The following ABHD18 variants were observed in gnomAD, a reference collection of about 807,000 sequenced individuals.
The protein encoded by ABHD18 is abhydrolase domain containing 18.
A neutral mutation model predicts 65.9 loss-of-function variants in ABHD18; 55 were observed. The observed-to-expected ratio is 0.84, with a 90% CI of 0.67 to 1.05. The LOEUF (loss-of-function observed/expected upper bound fraction) is 1.05. ABHD18 is among the 50% of genes least tolerant of loss of function. The pLI is 0.00. For missense variants in ABHD18, 533 were observed against 558.5 expected, an observed-to-expected ratio of 0.95 and a Z score of 0.46; for synonymous variants, 181 against 180.2, an observed-to-expected ratio of 1.00 and a Z score of -0.04.
intron 3 of ABHD18, among the ~76,000 whole-genome samples, chr4:127,986,339 T>A (rs751191838): frequency 7.9e-5 from 12 of 152,246 alleles, no homozygotes; most frequent in Non-Finnish European, 7.3e-5. Context: ...TGTTGTAGCA[T>A]GTGTCAGTAC....
Position 128,038,436 on chromosome 4 carries a change from C to T in ABHD18, c.*2623C>T, listed in dbSNP as rs1423575603. 2 of 152,170 alleles carry T rather than the reference C, an allele frequency of 1.3e-5. No homozygotes were observed. Among genetic ancestry groups the T allele is most frequent in the African/African-American group, 4.8e-5 (2 of 41,440 alleles). The allele number at this position is 152,170 out of a possible 1,614,324, so 9.4% of individuals were successfully genotyped here. On this transcript the variant is annotated 3_prime_UTR_variant, in exon 13 of 13. Transcript: ENST00000645843. ...AATACTTTATTATTGTTCACATAAA[C>T]ATTTCTTACTAAGCAATAATGTACT...
At chr4:127,991,611 T>C (rs1384647273) in intron 4 of ABHD18, among the ~76,000 whole-genome samples, 1 of 152,190 alleles carries the variant, frequency 6.6e-6, no homozygotes, top group Admixed American at 6.6e-5. Context: ...TTTTAGCTAA[T>C]TTTATTTAAA....
intron 12 of ABHD18, among the ~76,000 whole-genome samples, chr4:128,032,279 A>G (rs187730860): frequency 3.9e-5 from 6 of 152,330 alleles, no homozygotes; most frequent in Non-Finnish European, 5.9e-5. Context: ...GTCACTACTA[A>G]GCTATTTGAC....
Position 127,989,799 on chromosome 4 carries a change from C to A in ABHD18, c.256C>A (p.Pro86Thr), listed in dbSNP as rs186826737. ...PMAHYVPDIM[P>T]IESVIARFQF... ...GGCTCACTATGTGCCTGATATCATG[C>A]CAATTGAATCTGTTATTGCAAGGTA... Residue 86 changes from proline (P) to threonine (T), a missense_variant, in exon 4 of 13, where the codon CCA becomes ACA. Physicochemically the swap from Pro to Thr is conservative, Grantham distance 38. Coordinates refer to ENST00000645843, the MANE Select transcript of ABHD18 (RefSeq NM_001358451.3). The A allele has an allele frequency of 6.3e-7, 1 of 1,588,092 alleles. No homozygotes were observed. Among genetic ancestry groups the A allele is most frequent in the South Asian group, 1.2e-5 (1 of 85,994 alleles).
chr4:127,981,749 A>T (rs979572089), intron 1 of ABHD18, among the ~76,000 whole-genome samples: 1 of 152,162 alleles, frequency 6.6e-6, no homozygotes, highest in Non-Finnish European at 1.5e-5. Context: ...TTTGAACATT[A>T]TTGTGTCAAA....
At chr4:128,028,278 G>T (rs1757666394) in intron 10 of ABHD18, among the ~76,000 whole-genome samples, 197 bp from the exon 11 acceptor site, 2 of 150,762 alleles carry the variant, frequency 1.3e-5, no homozygotes, top group Non-Finnish European at 2.9e-5. Flanking sequence ...AATGTCTTCA[G>T]TGTTCATCCA....
intron 4 of ABHD18, 84 bp from the exon 5 acceptor site, chr4:128,008,836 A>G (rs1387110582): frequency 1.1e-6 from 1 of 873,066 alleles, no homozygotes; most frequent in Non-Finnish European, 1.7e-6. Context: ...GATAATTTAA[A>G]TGTAAAAGTT....
chr4:127,971,111 G>A (rs2149037643), intron 1 of ABHD18, among the ~76,000 whole-genome samples: 1 of 151,508 alleles, frequency 6.6e-6, no homozygotes, highest in East Asian at 1.9e-4. Context: ...AGCCGGGCAA[G>A]GAAGGTGGCC....
chr4:127,979,292 A>C (rs1748539586), intron 1 of ABHD18, among the ~76,000 whole-genome samples: 1 of 152,248 alleles, frequency 6.6e-6, no homozygotes, highest in African/African-American at 2.4e-5. Flanking sequence ...GCGGTGGCTC[A>C]TGCCTGTAAT....
intron 4 of ABHD18, among the ~76,000 whole-genome samples, chr4:127,993,595 C>T (rs1032116915): frequency 3.9e-5 from 6 of 152,082 alleles, no homozygotes; most frequent in Non-Finnish European, 8.8e-5. Context: ...AAAAAAAATT[C>T]CACCAATGAG....
chr4:127,986,420 A>G (rs1749966455), intron 3 of ABHD18, among the ~76,000 whole-genome samples: 1 of 152,204 alleles, frequency 6.6e-6, no homozygotes, highest in Non-Finnish European at 1.5e-5. Flanking sequence ...TAGCTAAATA[A>G]TATTCTATTG....
Position 128,028,695 on chromosome 4 carries a change from A to G in ABHD18, c.1022A>G (p.Asn341Ser), listed in dbSNP as rs35763794. The change falls in exon 11 of 13, where the codon AAT becomes AGT. Residue 341 changes from asparagine (N) to serine (S), a missense_variant. Transcript: ENST00000645843. ...LQDTSKMKRFNQTLSTNKSGY... is the reference protein window; with the variant it reads ...LQDTSKMKRFSQTLSTNKSGY... Reference sequence around the variant, plus strand: ...GATACCTCTAAGATGAAGCGCTTCAATCAAACACTTTCAACCAACAAAAGT... The same window carrying G: ...GATACCTCTAAGATGAAGCGCTTCAGTCAAACACTTTCAACCAACAAAAGT... The G allele has an allele frequency of 0.027, 44,162 of 1,613,748 alleles. 2,813 individuals carry two copies. In the East Asian group the frequency reaches 0.29, roughly 11 times the overall value.
Position 128,020,056 on chromosome 4 carries a change from C to T in ABHD18, c.610-24C>T, listed in dbSNP as rs190456502. 6.3e-4 allele frequency: 932 copies of T among 1,484,762 alleles called. 7 individuals carry two copies. In the African/African-American group the frequency reaches 9.7e-3, roughly 15 times the overall value. The allele number at this position is 1,484,762 out of a possible 1,614,324, so 92.0% of individuals were successfully genotyped here. ...TTAATGAATAGAAACTCTAAATAGA[C>T]GCTCTCTATCTGTTATATTACAGAT... On this transcript the variant is annotated intron_variant, in intron 8 of 12. Coordinates refer to ENST00000645843, the MANE Select transcript of ABHD18 (RefSeq NM_001358451.3).
chr4:128,002,230 G>T (rs974649938), intron 4 of ABHD18, among the ~76,000 whole-genome samples: 2 of 151,998 alleles, frequency 1.3e-5, no homozygotes, highest in Non-Finnish European at 2.9e-5. Flanking sequence ...AGCCAAGATC[G>T]TGACACTGCA....
At chr4:127,985,800 G>A (rs1471639468) in intron 3 of ABHD18, among the ~76,000 whole-genome samples, 2 of 151,792 alleles carry the variant, frequency 1.3e-5, no homozygotes, top group African/African-American at 2.4e-5. Context: ...TGAAGAGATC[G>A]AGACCATCCT....
At chr4:128,030,934 C>A in intron 12 of ABHD18, 1 of 1,129,674 alleles carries the variant, frequency 8.9e-7, no homozygotes, top group Non-Finnish European at 1.1e-6. Flanking sequence ...ATATTAATGG[C>A]CAGGTATTTT....
intron 3 of ABHD18, among the ~76,000 whole-genome samples, chr4:127,987,996 A>G (rs186026791): frequency 9.8e-5 from 15 of 152,340 alleles, no homozygotes; most frequent in Admixed American, 1.3e-4. Context: ...TAGTTCAGTC[A>G]TATAACAATG....
chr4:127,978,473 T>A (rs1180316290), intron 1 of ABHD18, among the ~76,000 whole-genome samples: 1 of 152,144 alleles, frequency 6.6e-6, no homozygotes, highest in Non-Finnish European at 1.5e-5. Flanking sequence ...TATAAACATT[T>A]AAGCGTACAG....
In ABHD18 at chr4:128,036,751, A is replaced by C. The variant is rs2149205800; in HGVS notation, c.*938A>C. 6.6e-6 allele frequency: 1 copy of C among 152,102 alleles called. No individual in the cohort carries two copies. Among genetic ancestry groups the C allele is most frequent in the Admixed American group, 6.6e-5 (1 of 15,246 alleles). The allele number at this position is 152,102 out of a possible 1,614,324, so 9.4% of individuals were successfully genotyped here. A position where few individuals can be genotyped will look rare whatever the true frequency, so the allele number is the denominator to read the frequency against. On this transcript the variant is annotated 3_prime_UTR_variant, in exon 13 of 13. Coordinates refer to ENST00000645843, the MANE Select transcript of ABHD18 (RefSeq NM_001358451.3). ...CCGTCTCAAAATAATAATAATAACC[A>C]AAATGAGTGTTCTGCAGATAAAATG...
Sources: gnomAD v4.1 joint callset for allele counts (sites outside exome capture counted in the v4.1 genomes callset) on GRCh38, gnomAD v4.1.1 for gene constraint, MANE v1.5 for transcripts, NCBI Gene and HGNC (gene_info 2026-07-23, HGNC 2026-07-21) for gene names.